Variants in SORCS3 observed in about 807,000 individuals in gnomAD.
SORCS3 encodes the protein sortilin related VPS10 domain containing receptor 3.
SORCS3 carries 57 observed loss-of-function variants against 146.3 expected under a neutral mutation model. The ratio of observed to expected loss-of-function variants is 0.39; its 90% CI spans 0.31 to 0.49. The LOEUF is 0.49. Ranked by LOEUF, SORCS3 falls within the 20% of genes least tolerant of loss-of-function variation. The pLI, the probability that SORCS3 is intolerant of heterozygous loss-of-function variation, is 0.92. For synonymous variants in SORCS3, 653 were observed against 618.5 expected (o/e 1.06, Z -0.83); for missense variants, 1,341 against 1,575.5 (o/e 0.85, Z 2.52).
chr10:104,754,232 A>C (rs1325583296), intron 1 of SORCS3, among the ~76,000 whole-genome samples: 1 of 152,144 alleles, frequency 6.6e-6, no homozygotes, highest in East Asian at 1.9e-4. Context: ...TTTCCATCAC[A>C]CTGAGTTTCT....
intron 13 of SORCS3, among the ~76,000 whole-genome samples, chr10:105,170,628 T>C (rs1273905665): frequency 6.6e-6 from 1 of 152,226 alleles, no homozygotes; most frequent in African/African-American, 2.4e-5. Flanking sequence ...ACAGAGACCA[T>C]GATTTTTGCT....
intron 1 of SORCS3, among the ~76,000 whole-genome samples, chr10:104,682,224 A>G (rs1212559926): frequency 6.6e-6 from 1 of 152,228 alleles, no homozygotes; most frequent in Non-Finnish European, 1.5e-5. Flanking sequence ...TTACTTGGAA[A>G]AAATCTTCAT....
In SORCS3 at chr10:105,103,821, T is replaced by G. The variant is rs575141858; in HGVS notation, c.1094-1576T>G. ...CAGCATGTAATGAATACATTTCCCA[T>G]TAAAATATTTCTTTCTTAAAGTAGC... is the stretch of plus-strand genomic sequence containing the variant. On this transcript the variant is annotated intron_variant, in intron 6 of 26. Coordinates refer to ENST00000369701, the MANE Select transcript of SORCS3 (RefSeq NM_014978.3). 5.9e-5 allele frequency among the ~76,000 whole-genome samples: 9 copies of G among 152,348 alleles called. No individual in the cohort carries two copies. In the South Asian group the frequency reaches 1.9e-3, roughly 32 times the overall value.
At chr10:105,098,237 A>C (rs193067257) in intron 6 of SORCS3, among the ~76,000 whole-genome samples, 182 of 152,348 alleles carry the variant, frequency 1.2e-3, no homozygotes, top group Non-Finnish European at 1.8e-3. Context: ...GGCTAAAGGC[A>C]ATGGGACTGC....
At chr10:105,259,093 C>T (rs553709282) in intron 25 of SORCS3, among the ~76,000 whole-genome samples, 1 of 152,260 alleles carries the variant, frequency 6.6e-6, no homozygotes, top group East Asian at 1.9e-4. Context: ...GCCCTGGATT[C>T]CCAAAGTCTC....
intron 16 of SORCS3, among the ~76,000 whole-genome samples, chr10:105,206,326 T>TA (rs2056602220): frequency 6.6e-6 from 1 of 152,156 alleles, no homozygotes; most frequent in South Asian, 2.1e-4. Flanking sequence ...TAAAATGAAA[T>TA]AAAAAATGTT....
At chr10:104,703,606 G>GGGGGTGA (rs2016304643) in intron 1 of SORCS3, among the ~76,000 whole-genome samples, 1 of 151,888 alleles carries the variant, frequency 6.6e-6, no homozygotes, top group Non-Finnish European at 1.5e-5. Context: ...CTGGAGGGTG[G>GGGGGTGA]GGGGTGAGGG....
rs1477074580 is a variant in SORCS3 at position 104,910,339 on chromosome 10, TCACCCCAGAAAAA to T, written c.696-5492_696-5480del. ...CCCTGAGGTGACCCACACAGAGACGTCACCCCAGAAAAACTTTTCTTCACAAATACACAAGAAG... is the reference window on the plus strand; with the variant it reads ...CCCTGAGGTGACCCACACAGAGACGTCTTTTCTTCACAAATACACAAGAAG... On this transcript the variant is annotated intron_variant, in intron 2 of 26. Transcript: ENST00000369701. 2.6e-5 allele frequency among the ~76,000 whole-genome samples: 4 copies of T among 152,132 alleles called. No homozygotes were observed. The East Asian group carries it at 7.7e-4, about 29-fold the overall frequency.
In SORCS3 at chr10:104,653,074, T is replaced by A. The variant is rs1452223206; in HGVS notation, c.627+11120T>A. ...GTTGTTTTTATTATCTGCAACAAAATCTACTAGCACAATAAGAAATAGATG... is the reference window on the plus strand; with the variant it reads ...GTTGTTTTTATTATCTGCAACAAAAACTACTAGCACAATAAGAAATAGATG... On this transcript the variant is annotated intron_variant, in intron 1 of 26. Coordinates refer to ENST00000369701, the MANE Select transcript of SORCS3 (RefSeq NM_014978.3). Among the ~76,000 whole-genome samples the A allele has an allele frequency of 2.0e-5, 3 of 152,198 alleles. No individual in the cohort carries two copies. The East Asian group carries it at 5.8e-4, about 29-fold the overall frequency.
At chr10:105,065,065 G>A (rs921025309) in intron 5 of SORCS3, among the ~76,000 whole-genome samples, 1 of 152,136 alleles carries the variant, frequency 6.6e-6, no homozygotes, top group Non-Finnish European at 1.5e-5. Context: ...AGTCTTTGTT[G>A]GGGGTGGGCA....
chr10:104,688,385 C>T (rs1008858853), intron 1 of SORCS3, among the ~76,000 whole-genome samples: 8 of 152,210 alleles, frequency 5.3e-5, no homozygotes, highest in Non-Finnish European at 8.8e-5. Context: ...GGGACCCAGC[C>T]GTGGTGCAGA....
chr10:105,242,489 T>TAC (rs1447909751), intron 20 of SORCS3, among the ~76,000 whole-genome samples: 248 of 21,336 alleles, frequency 0.012, 1 homozygote, highest in East Asian at 0.073. Context: ...TATATTTATA[T>TAC]ATTTATATAT....
chr10:105,128,135 G>T (rs946695426), intron 7 of SORCS3, among the ~76,000 whole-genome samples: 4 of 152,172 alleles, frequency 2.6e-5, no homozygotes, highest in Admixed American at 6.5e-5. Context: ...GCAAGAGCAG[G>T]CAGTGCATAT....
intron 3 of SORCS3, among the ~76,000 whole-genome samples, chr10:104,928,530 A>ATTT (rs397781548): frequency 6.6e-6 from 1 of 151,102 alleles, no homozygotes; most frequent in African/African-American, 2.4e-5. Flanking sequence ...AAATGACTCG[A>ATTT]TTTTTTTTTC....
At chr10:105,239,345 T>C (rs568392273) in intron 20 of SORCS3, among the ~76,000 whole-genome samples, 4 of 152,312 alleles carry the variant, frequency 2.6e-5, no homozygotes, top group African/African-American at 9.6e-5. Context: ...GACTGGCAGC[T>C]GTTATCAAGG....
At chr10:104,822,383 C>T (rs985177658) in intron 1 of SORCS3, among the ~76,000 whole-genome samples, 2 of 152,190 alleles carry the variant, frequency 1.3e-5, no homozygotes, top group African/African-American at 4.8e-5. Flanking sequence ...ATAAATTTCT[C>T]AGGACTGTGG....
At chr10:105,254,902 T>A (rs951970123) in intron 23 of SORCS3, among the ~76,000 whole-genome samples, 1 of 152,150 alleles carries the variant, frequency 6.6e-6, no homozygotes, top group Non-Finnish European at 1.5e-5. Context: ...TAGAAGTGGA[T>A]CTGCGGCCAG....
At chr10:104,658,763 A>G (rs549264006) in intron 1 of SORCS3, among the ~76,000 whole-genome samples, 73 of 152,254 alleles carry the variant, frequency 4.8e-4, no homozygotes, top group Admixed American at 2.4e-3. Context: ...ATAGCTTACA[A>G]TTGTTACCTG....
intron 1 of SORCS3, among the ~76,000 whole-genome samples, chr10:104,748,229 C>T (rs2016938825): frequency 6.6e-6 from 1 of 152,186 alleles, no homozygotes; most frequent in Non-Finnish European, 1.5e-5. Context: ...TCTATAATCT[C>T]TTTCTTAGAG....
Sources: allele counts gnomAD v4.1 joint callset (sites outside exome capture counted in the v4.1 genomes callset), GRCh38; gene constraint gnomAD v4.1.1; transcripts MANE v1.5; gene names NCBI Gene and HGNC (gene_info 2026-07-23, HGNC 2026-07-21).